DENND3: variants seen among roughly 807,000 people sequenced by gnomAD.
The protein encoded by DENND3 is DENN domain containing 3, also known as DENN domain-containing protein 3.
Under a neutral mutation model 135.1 loss-of-function variants are expected in DENND3, and 88 were observed. That is an observed-to-expected ratio of 0.65 (90% CI 0.55 to 0.78). The LOEUF (loss-of-function observed/expected upper bound fraction) is 0.78. Ranked by LOEUF, DENND3 falls within the 30% of genes least tolerant of loss-of-function variation. The probability of loss-of-function intolerance (pLI) is 0.00; values close to 1 mark genes in which losing one functional copy is unlikely to be tolerated. For missense variants in DENND3, 1,392 were observed against 1,688.4 expected, an observed-to-expected ratio of 0.82 and a Z score of 3.08; for synonymous variants, 693 against 712.3, an observed-to-expected ratio of 0.97 and a Z score of 0.43.
rs1432000985 is a variant in DENND3, at chr8:141,154,565, C to CTTT, written c.1075-1274_1075-1272dup. Among the ~76,000 whole-genome samples, 1 of 142,300 alleles carries CTTT rather than the reference C, an allele frequency of 7.0e-6. No individual in the cohort carries two copies. Among genetic ancestry groups the CTTT allele is most frequent in the African/African-American group, 2.6e-5 (1 of 38,978 alleles). The allele number at this position is 142,300 out of a possible 152,430, so 93.4% of individuals were successfully genotyped here. ...ACATGTATTGGAATCTTTTTTTTTTCTTTTTTTTTTTTGTGAGATGGAGTT... is the reference window on the plus strand; with the variant it reads ...ACATGTATTGGAATCTTTTTTTTTTCTTTTTTTTTTTTTTTGTGAGATGGAGTT... On this transcript the variant is annotated intron_variant, in intron 7 of 22. Coordinates refer to ENST00000519811, the MANE Select transcript of DENND3 (RefSeq NM_001352890.3). The surrounding 1 kb of genome is among the most constrained non-coding windows in gnomAD (Gnocchi z 4.4).
intron 18 of DENND3, among the ~76,000 whole-genome samples, chr8:141,186,340 C>T (rs1314331275): frequency 3.3e-5 from 5 of 152,182 alleles, no homozygotes; most frequent in Non-Finnish European, 7.3e-5. Flanking sequence ...CCTGTCCCCA[C>T]GTGCCAGGTG....
intron 13 of DENND3, among the ~76,000 whole-genome samples, chr8:141,173,906 G>C (rs1205858521): frequency 6.6e-6 from 1 of 152,206 alleles, no homozygotes; most frequent in African/African-American, 2.4e-5. Context: ...TAAGGATTCA[G>C]TGGGACCCCA....
At chr8:141,172,902 C>A (rs534135690) in intron 13 of DENND3, among the ~76,000 whole-genome samples, 262 of 144,572 alleles carry the variant, frequency 1.8e-3, no homozygotes, top group African/African-American at 6.0e-3. Context: ...CAGAGCAAGA[C>A]CCTGTCTCTA....
chr8:141,176,810 C>T (rs757544312), intron 15 of DENND3, 49 bp downstream of exon 15: 28 of 1,592,302 alleles, frequency 1.8e-5, no homozygotes, highest in African/African-American at 4.0e-5. Flanking sequence ...GCCTCAGGGG[C>T]CTCTCGCCAC....
At chr8:141,129,797 C>G (rs570424741) in intron 1 of DENND3, 1 of 152,396 alleles carries the variant, frequency 6.6e-6, no homozygotes, top group Non-Finnish European at 1.5e-5. Context: ...CCAGGAAAGG[C>G]AGATGTTCCT....
At chr8:141,177,772 C>T (rs969730978) in intron 15 of DENND3, 5 of 299,130 alleles carry the variant, frequency 1.7e-5, no homozygotes, top group East Asian at 1.3e-4. Context: ...GCTCCCATGC[C>T]GCAGTGGCAG....
rs1376532035 is a variant in DENND3 at position 141,166,832 on chromosome 8, A to G, written c.1753+443A>G. 6.6e-6 allele frequency among the ~76,000 whole-genome samples: 1 copy of G among 152,174 alleles called. No homozygotes were observed. On this transcript the variant is annotated intron_variant, in intron 12 of 22. Transcript: ENST00000519811. This position sits in a 1 kb window ranked among gnomAD's most constrained non-coding sequence, Gnocchi z 4.3. ...GGCCAGGGCTAAAGTGAGCAGGGCC[A>G]GGGATGGGGAGGGGGCTTGACTGTG...
At chr8:141,160,556 T>C in intron 8 of DENND3, 76 bp from the exon 9 acceptor site, 1 of 1,438,274 alleles carries the variant, frequency 7.0e-7, no homozygotes. Flanking sequence ...TTCATTTACC[T>C]GGTGGGCTGT....
chr8:141,157,359 G>A (rs1471769004), intron 8 of DENND3: 5 of 985,280 alleles, frequency 5.1e-6, no homozygotes, highest in Admixed American at 6.2e-5. Flanking sequence ...GGGCTCCCTC[G>A]GGGTTGCTCT....
chr8:141,168,368 C>T lies in DENND3; in HGVS notation c.2118C>T (p.Asp706=). ...ELMRLISEIL[D]KPHEASKLDD... ...TGAGGCTCATCAGCGAGATCCTGGACAAGCCGCACGAGGCCTCGAAGCTGG... is the reference window on the plus strand; with the variant it reads ...TGAGGCTCATCAGCGAGATCCTGGATAAGCCGCACGAGGCCTCGAAGCTGG... The change falls in exon 13 of 23, where the codon GAC becomes GAT. Residue 706 remains aspartate (D), a synonymous_variant. Transcript: ENST00000519811. This position sits in a 1 kb window ranked among gnomAD's most constrained non-coding sequence, Gnocchi z 6.2. The T allele has an allele frequency of 6.2e-7, 1 of 1,613,814 alleles. No homozygotes were observed. Among genetic ancestry groups the T allele is most frequent in the Non-Finnish European group, 8.5e-7 (1 of 1,180,014 alleles).
chr8:141,141,415 G>C lies in DENND3; in HGVS notation c.623+91G>C, dbSNP rs147664697. 2.5e-5 allele frequency: 36 copies of C among 1,462,402 alleles called. No individual in the cohort carries two copies. Among genetic ancestry groups the C allele is most frequent in the East Asian group, 1.9e-4 (8 of 41,998 alleles). 90.6% of individuals were successfully genotyped at this position (1,462,402 alleles called of 1,614,324 possible). The stretch of plus-strand genomic sequence containing the variant: ...AAGGGACCAGGGGGCTGGAGGTGGT[G>C]GGGGGGCAGCTCTCTGTTCCTCTCC... On this transcript the variant is annotated intron_variant, in intron 4 of 22. Transcript: ENST00000519811. The surrounding 1 kb of genome is among the most constrained non-coding windows in gnomAD (Gnocchi z 5.3).
At chr8:141,177,041 A>C (rs1381064885) in intron 15 of DENND3, 1 of 409,052 alleles carries the variant, frequency 2.4e-6, no homozygotes, top group Non-Finnish European at 4.5e-6. Context: ...GACTGGCGAC[A>C]TCCCAGAGAG....
In DENND3 at chr8:141,163,384, A is replaced by G. The variant is rs762816858; in HGVS notation, c.1404A>G (p.Glu468=). The change falls in exon 10 of 23, where the codon GAA becomes GAG. Residue 468 remains glutamate, a synonymous_variant. Transcript: ENST00000519811. ...NYEHRVFNSE[E]FLKTRAPGDH... Reference sequence around the variant, plus strand: ...AACACAGAGTCTTTAATAGTGAAGAATTTCTCAAAACCAGGGCTCCAGGGG... The same window carrying G: ...AACACAGAGTCTTTAATAGTGAAGAGTTTCTCAAAACCAGGGCTCCAGGGG... 31 of 1,613,430 alleles carry G rather than the reference A, an allele frequency of 1.9e-5. No homozygotes were observed. The highest frequency in any genetic ancestry group is 1.1e-4 in the East Asian group (5 of 44,882).
chr8:141,190,328 A>G lies in DENND3; in HGVS notation c.3290A>G (p.Asn1097Ser). The G allele has an allele frequency of 1.2e-6, 2 of 1,613,296 alleles. No individual in the cohort carries two copies. The highest frequency in any genetic ancestry group is 1.7e-6 in the Non-Finnish European group (2 of 1,179,768). Residue 1097 changes from asparagine (N) to serine (S), a missense_variant, in exon 20 of 23, where the codon AAT (asparagine) becomes AGT (serine). Physicochemically the swap from Asn to Ser is conservative, Grantham distance 46. Transcript: ENST00000519811. ...CSMDGMVLVW[N>S]VSTLQVTSRF... ...ATGGACGGCATGGTGCTGGTGTGGA[A>G]TGTGAGCACACTGCAGGTGACCAGC... is the stretch of plus-strand genomic sequence containing the variant.
intron 1 of DENND3, among the ~76,000 whole-genome samples, chr8:141,132,718 G>A (rs940722155): frequency 6.6e-6 from 1 of 152,148 alleles, no homozygotes; most frequent in African/African-American, 2.4e-5. Context: ...AGACAACAGA[G>A]ATTTCATTCT....
chr8:141,138,265 C>A lies in DENND3; in HGVS notation c.501+128C>A. 1.0e-6 allele frequency: 1 copy of A among 995,158 alleles called. No individual in the cohort carries two copies. Among genetic ancestry groups the A allele is most frequent in the Non-Finnish European group, 1.5e-6 (1 of 670,416 alleles). The allele number at this position is 995,158 out of a possible 1,614,324, so 61.6% of individuals were successfully genotyped here. On this transcript the variant is annotated intron_variant, in intron 3 of 22. Coordinates refer to ENST00000519811, the MANE Select transcript of DENND3 (RefSeq NM_001352890.3). The surrounding 1 kb of genome is among the most constrained non-coding windows in gnomAD (Gnocchi z 4.8). ...GCAGTTCCGTAACATTAAGTACATT[C>A]ACAGCATTGTGCAACCACCACCAAT... is the stretch of plus-strand genomic sequence containing the variant.
At position 141,146,465 on chromosome 8, in the gene DENND3, C is replaced by T. The variant is rs1206898652; in HGVS notation, c.735+2206C>T. Among the ~76,000 whole-genome samples, 1 of 152,190 alleles carries T rather than the reference C, an allele frequency of 6.6e-6. No homozygotes were observed. Among genetic ancestry groups the T allele is most frequent in the Non-Finnish European group, 1.5e-5 (1 of 68,036 alleles). ...ACTAATTTTAACTGTACTTAGGATG[C>T]TGCTTTTTATTTTTTCCTTTAATAG... On this transcript the variant is annotated intron_variant, in intron 5 of 22. Coordinates refer to ENST00000519811, the MANE Select transcript of DENND3 (RefSeq NM_001352890.3). This position sits in a 1 kb window ranked among gnomAD's most constrained non-coding sequence, Gnocchi z 4.3.
At position 141,163,395 on chromosome 8, in the gene DENND3, C is replaced by A; in HGVS notation, c.1415C>A (p.Thr472Asn). Residue 472 changes from threonine to asparagine, a missense_variant, in exon 10 of 23, where the codon ACC (threonine) becomes AAC (asparagine). By Grantham distance (65) the Thr-to-Asn change is moderately conservative (BLOSUM62 0). Coordinates refer to ENST00000519811, the MANE Select transcript of DENND3 (RefSeq NM_001352890.3). ...TTTAATAGTGAAGAATTTCTCAAAA[C>A]CAGGGCTCCAGGGGACCATCAGTTT... ...RVFNSEEFLKTRAPGDHQFYK... is the reference protein window; with the variant it reads ...RVFNSEEFLKNRAPGDHQFYK... 1 of 1,613,164 alleles carries A rather than the reference C, an allele frequency of 6.2e-7. No homozygotes were observed. The highest frequency in any genetic ancestry group is 2.2e-5 in the East Asian group (1 of 44,872).
chr8:141,159,280 G>A (rs1181074530), intron 8 of DENND3, among the ~76,000 whole-genome samples: 1 of 152,310 alleles, frequency 6.6e-6, no homozygotes, highest in East Asian at 1.9e-4. Context: ...GTCAGGCAGC[G>A]GCAGGGGCCT....
Sources: gnomAD v4.1 joint callset for allele counts (sites outside exome capture counted in the v4.1 genomes callset) on GRCh38, gnomAD v4.1.1 for gene constraint, Gnocchi (gnomAD v3.1) non-coding constraint, MANE v1.5 for transcripts, NCBI Gene and HGNC (gene_info 2026-07-23, HGNC 2026-07-21) for gene names.